The following MYO3B variants were observed in gnomAD, a reference collection of about 807,000 sequenced individuals.
The protein encoded by MYO3B is myosin-IIIb.
Under a neutral mutation model 174.6 loss-of-function variants are expected in MYO3B, and 156 were observed. That is an observed-to-expected ratio of 0.89 (90% confidence interval 0.78 to 1.02). MYO3B has a LOEUF of 1.02. Ranked by LOEUF, MYO3B falls within the 50% of genes least tolerant of loss-of-function variation. The pLI is 0.00. For synonymous variants in MYO3B, 563 were observed against 569.1 expected (o/e 0.99, Z 0.15); for missense variants, 1,632 against 1,639.4 (o/e 1.00, Z 0.08).
intron 7 of MYO3B, among the ~76,000 whole-genome samples, chr2:170,330,510 A>G (rs2093904285): frequency 6.6e-6 from 1 of 152,156 alleles, no homozygotes; most frequent in African/African-American, 2.4e-5. Context: ...AATAATTCCT[A>G]TTTAATAGGA....
chr2:170,491,550 C>A (rs1405946225), intron 25 of MYO3B, among the ~76,000 whole-genome samples: 1 of 152,134 alleles, frequency 6.6e-6, no homozygotes, highest in Non-Finnish European at 1.5e-5. Context: ...CTCAGCCTCC[C>A]GAGTAGCTGG....
intron 7 of MYO3B, among the ~76,000 whole-genome samples, chr2:170,291,797 CA>C (rs1189121356): frequency 3.3e-5 from 5 of 151,814 alleles, no homozygotes; most frequent in Middle Eastern, 3.2e-3. Context: ...AGCCTGTTGC[CA>C]GACAAATTGG....
At chr2:170,344,905 C>T (rs16858178) in intron 8 of MYO3B, 13,505 of 152,142 alleles carry the variant, frequency 0.089, 890 homozygotes, top group African/African-American at 0.18. Context: ...CTGTCAGGAT[C>T]CCTCTGAACC....
rs56221872 is a variant in MYO3B, at chr2:170,343,030, AACACACACACAC to A, written c.815+7617_815+7628del. On this transcript the variant is annotated intron_variant, in intron 8 of 34. Transcript: ENST00000408978. The stretch of plus-strand genomic sequence containing the variant: ...ACTTACTTCCACAGTTCGGGCCTCT[AACACACACACAC>A]ACACACACACACACACACACACACA... 3.6e-3 allele frequency among the ~76,000 whole-genome samples: 494 copies of A among 136,006 alleles called. 2 individuals carry two copies. The highest frequency in any genetic ancestry group is 4.3e-3 in the Non-Finnish European group (274 of 63,296). The allele number at this position is 136,006 out of a possible 152,430, so 89.2% of individuals were successfully genotyped here.
intron 30 of MYO3B, among the ~76,000 whole-genome samples, chr2:170,528,419 T>G (rs554749697): frequency 6.2e-4 from 94 of 152,326 alleles, no homozygotes; most frequent in African/African-American, 2.2e-3. Context: ...TTATTTTATT[T>G]TTTTTGAGAT....
At chr2:170,297,851 C>T (rs930473166) in intron 7 of MYO3B, among the ~76,000 whole-genome samples, 2 of 152,042 alleles carry the variant, frequency 1.3e-5, no homozygotes, top group African/African-American at 2.4e-5. Context: ...AGTACAGCAG[C>T]GATACTATAG....
At chr2:170,642,935 T>G (rs1262247878) in intron 32 of MYO3B, among the ~76,000 whole-genome samples, 1 of 152,152 alleles carries the variant, frequency 6.6e-6, no homozygotes, top group Non-Finnish European at 1.5e-5. Context: ...TTGGTAGACT[T>G]TCTGCTGATA....
In MYO3B at chr2:170,339,528, T is replaced by A. The variant is rs117898498; in HGVS notation, c.815+4078T>A. Among the ~76,000 whole-genome samples, 772 of 152,258 alleles carry A rather than the reference T, an allele frequency of 5.1e-3. 9 individuals are homozygous for A. Among genetic ancestry groups the A allele is most frequent in the East Asian group, 0.039 (200 of 5,180 alleles). On this transcript the variant is annotated intron_variant, in intron 8 of 34. Transcript: ENST00000408978. ...TATGTAGACAGGGCACAGTGGGGTGTGTGTGTGCACGTGCATACGCGTGTA... is the reference window on the plus strand; with the variant it reads ...TATGTAGACAGGGCACAGTGGGGTGAGTGTGTGCACGTGCATACGCGTGTA...
chr2:170,623,529 T>G (rs1696122650), intron 32 of MYO3B, among the ~76,000 whole-genome samples: 1 of 152,216 alleles, frequency 6.6e-6, no homozygotes, highest in African/African-American at 2.4e-5. Context: ...AGGTTGCCTG[T>G]TCACTCTGAT....
At chr2:170,466,796 G>C (rs996886016) in intron 25 of MYO3B, 85 bp downstream of exon 25, 7 of 1,386,584 alleles carry the variant, frequency 5.0e-6, no homozygotes, top group Non-Finnish European at 7.0e-6. Flanking sequence ...TTCCTCCTGC[G>C]TGCTCTCCTC....
At chr2:170,590,329 T>G (rs1387655475) in intron 32 of MYO3B, among the ~76,000 whole-genome samples, 2 of 152,162 alleles carry the variant, frequency 1.3e-5, no homozygotes, top group Non-Finnish European at 2.9e-5. Flanking sequence ...ATCTTAACTT[T>G]TCTCCTTATA....
At chr2:170,294,799 T>C (rs2093618545) in intron 7 of MYO3B, among the ~76,000 whole-genome samples, 1 of 152,154 alleles carries the variant, frequency 6.6e-6, no homozygotes, top group Admixed American at 6.5e-5. Context: ...CTTTGAGTGA[T>C]AGTGATGTGT....
intron 7 of MYO3B, among the ~76,000 whole-genome samples, chr2:170,248,799 C>G (rs1466203462): frequency 1.4e-4 from 21 of 152,194 alleles, no homozygotes; most frequent in Admixed American, 1.4e-3. Context: ...GATTGGTAAC[C>G]ATACCTGCAT....
intron 33 of MYO3B, 109 bp downstream of exon 33, chr2:170,651,843 C>A: frequency 1.3e-6 from 1 of 797,378 alleles, no homozygotes; most frequent in South Asian, 1.5e-5. Flanking sequence ...CCCTCATGCT[C>A]TCGTCTTGAA....
In MYO3B at chr2:170,217,335, C is replaced by T. The variant is rs755304460; in HGVS notation, c.543C>T (p.Leu181=). ...KLVDFGVSAQ[L]TSTRLRRNTS... Reference sequence around the variant, plus strand: ...TCCTTATAGGTGTTTCAGCTCAACTCACCAGTACACGTCTGCGGAGAAACA... The same window carrying T: ...TCCTTATAGGTGTTTCAGCTCAACTTACCAGTACACGTCTGCGGAGAAACA... The change falls in exon 6 of 35, where the codon CTC becomes CTT. Residue 181 remains leucine (L), a synonymous_variant. Transcript: ENST00000408978. 1.2e-6 allele frequency: 2 copies of T among 1,614,084 alleles called. No individual in the cohort carries two copies. Among genetic ancestry groups the T allele is most frequent in the East Asian group, 2.2e-5 (1 of 44,884 alleles).
intron 16 of MYO3B, among the ~76,000 whole-genome samples, chr2:170,395,743 T>C (rs2105779599): frequency 6.6e-6 from 1 of 151,956 alleles, no homozygotes; most frequent in Admixed American, 6.5e-5. Context: ...GATGAAAAAC[T>C]GACGAGATTT....
At chr2:170,263,388 C>G (rs1403099955) in intron 7 of MYO3B, among the ~76,000 whole-genome samples, 1 of 152,054 alleles carries the variant, frequency 6.6e-6, no homozygotes, top group East Asian at 1.9e-4. Context: ...GACACAGAGG[C>G]AAAGTATAGA....
chr2:170,640,708 C>G (rs2105440546), intron 32 of MYO3B: 1 of 152,302 alleles, frequency 6.6e-6, no homozygotes, highest in East Asian at 1.9e-4. Flanking sequence ...TTACTCATCT[C>G]TCTTTTTAAC....
At position 170,515,015 on chromosome 2, in the gene MYO3B, C is replaced by T. The variant is rs771044306; in HGVS notation, c.3465C>T (p.Asp1155=). ...TTCAAGACTGCAGCGAGCCTGGTGA[C>T]CATAAAGGTAGAGTCTTTCGAGATT... ...AEVQDCSEPG[D]HKVLRGSVHR... Residue 1155 remains aspartate (D), a synonymous_variant, in exon 29 of 35, where the codon GAC becomes GAT. Coordinates refer to ENST00000408978, the MANE Select transcript of MYO3B (RefSeq NM_138995.5). The T allele has an allele frequency of 9.3e-6, 15 of 1,613,348 alleles. No homozygotes were observed. The highest frequency in any genetic ancestry group is 8.8e-5 in the South Asian group (8 of 90,926).
Sources: gnomAD v4.1 joint callset for allele counts (sites outside exome capture counted in the v4.1 genomes callset) on GRCh38, gnomAD v4.1.1 for gene constraint, MANE v1.5 for transcripts, NCBI Gene and HGNC (gene_info 2026-07-23, HGNC 2026-07-21) for gene names.